AVEN: variants seen among roughly 807,000 people sequenced by gnomAD.
AVEN encodes the protein apoptosis and caspase activation inhibitor, also known as cell death regulator Aven.
Under a neutral mutation model 38.1 loss-of-function variants are expected in AVEN, and 41 were observed. The observed-to-expected ratio is 1.08, with a 90% CI of 0.84 to 1.40. The LOEUF is 1.40. Among genes scored for constraint, AVEN ranks in the 40% most tolerant of loss-of-function variants. The pLI is 0.00. For synonymous variants in AVEN, 206 were observed against 171.8 expected, an observed-to-expected ratio of 1.20 and a Z score of -1.56; for missense variants, 605 against 438.8, an observed-to-expected ratio of 1.38 and a Z score of -3.38.
chr15:33,869,694 G>C (rs1890851649), intron 4 of AVEN, among the ~76,000 whole-genome samples: 1 of 152,154 alleles, frequency 6.6e-6, no homozygotes, highest in Non-Finnish European at 1.5e-5. Context: ...ACTAGTAAAT[G>C]CTATACAGCA....
At chr15:33,956,367 TTCTGA>T (rs1894953796) in intron 2 of AVEN, among the ~76,000 whole-genome samples, 1 of 152,190 alleles carries the variant, frequency 6.6e-6, no homozygotes, top group Admixed American at 6.5e-5. Context: ...TAATCAAACT[TTCTGA>T]TCTGTCAATC....
intron 1 of AVEN, among the ~76,000 whole-genome samples, chr15:34,030,765 C>T (rs1898750483): frequency 6.6e-6 from 1 of 151,884 alleles, no homozygotes; most frequent in African/African-American, 2.4e-5. Context: ...TACAGGCGTG[C>T]ACCACCGTGC....
intron 2 of AVEN, among the ~76,000 whole-genome samples, chr15:33,905,288 T>G (rs12592331): frequency 0.46 from 69,457 of 151,922 alleles, 17,596 homozygotes; most frequent in East Asian, 0.59. Flanking sequence ...TTACTTGCTG[T>G]GAAACCTTGG....
chr15:34,061,786 T>C (rs893075764), intron 5 of AVEN, among the ~76,000 whole-genome samples: 1 of 152,146 alleles, frequency 6.6e-6, no homozygotes, highest in Non-Finnish European at 1.5e-5. Flanking sequence ...ACCCCCTAGA[T>C]GAAAACCAGA....
intron 1 of AVEN, among the ~76,000 whole-genome samples, chr15:34,033,427 A>G (rs1271551324): frequency 6.6e-6 from 1 of 150,810 alleles, no homozygotes; most frequent in Non-Finnish European, 1.5e-5. Context: ...AATTGCTTGA[A>G]CCCAAGAGGC....
intron 1 of AVEN, among the ~76,000 whole-genome samples, chr15:34,033,609 A>G (rs1898967488): frequency 6.6e-6 from 1 of 152,146 alleles, no homozygotes; most frequent in African/African-American, 2.4e-5. Flanking sequence ...GTAGAGTTAT[A>G]TAACATTTTT....
rs1689639118 is a variant in AVEN, at chr15:34,003,087, A to T, written c.390T>A (p.Asn130Lys). Residue 130 changes from asparagine (N) to lysine (K), a missense_variant, in exon 2 of 6, where the codon AAT becomes AAA. By Grantham distance (94) the Asn-to-Lys change is moderately conservative. Transcript: ENST00000306730. ...TTCCCCTCTGTGACTCTCCACTTTC[A>T]TTATTGACCTCTTTTTCAATATCTT... is the stretch of plus-strand genomic sequence containing the variant. Reference protein sequence around the residue: ...RYQDIEKEVNNESGESQRGTD... With the variant: ...RYQDIEKEVNKESGESQRGTD... 1.2e-6 allele frequency: 2 copies of T among 1,613,870 alleles called. No homozygotes were observed.
intron 3 of AVEN, among the ~76,000 whole-genome samples, chr15:33,872,318 A>C (rs1891003144): frequency 6.6e-6 from 1 of 151,920 alleles, no homozygotes; most frequent in African/African-American, 2.4e-5. Context: ...TATCTGTATA[A>C]AGGCACACTC....
intron 2 of AVEN, among the ~76,000 whole-genome samples, chr15:33,897,708 T>A (rs1454347967): frequency 6.6e-6 from 1 of 151,798 alleles, no homozygotes; most frequent in Non-Finnish European, 1.5e-5. Flanking sequence ...GACGACCTTA[T>A]CTCTACTAAA....
upstream of AVEN, among the ~76,000 whole-genome samples, chr15:34,043,579 C>T (rs1899568535): frequency 6.6e-6 from 1 of 152,148 alleles, no homozygotes; most frequent in Non-Finnish European, 1.5e-5. Context: ...GCTATTCTTT[C>T]AGCCTGGAAT....
At chr15:34,060,340 G>A (rs1014238804) in intron 5 of AVEN, among the ~76,000 whole-genome samples, 9 of 152,300 alleles carry the variant, frequency 5.9e-5, no homozygotes, top group African/African-American at 1.7e-4. Context: ...GAAGATGGGA[G>A]AATCTGGTTT....
chr15:34,022,174 T>C (rs1040593035), intron 1 of AVEN, among the ~76,000 whole-genome samples: 2 of 152,232 alleles, frequency 1.3e-5, no homozygotes, highest in African/African-American at 4.8e-5. Flanking sequence ...CTATTGCTCC[T>C]CAGACATCAA....
chr15:33,869,825 CTTT>C (rs377321444), intron 4 of AVEN, among the ~76,000 whole-genome samples: 16 of 142,172 alleles, frequency 1.1e-4, no homozygotes, highest in South Asian at 4.5e-4. Flanking sequence ...CAAGGTTTCA[CTTT>C]TTTTTTTTTT....
At chr15:33,856,647 G>GTT (rs60494844), downstream of AVEN, 8 of 154,124 alleles carry the variant, frequency 5.2e-5, no homozygotes, top group Middle Eastern at 3.2e-3. Flanking sequence ...GAACCTTTGG[G>GTT]TTTTTTGTTT....
intron 2 of AVEN, among the ~76,000 whole-genome samples, chr15:33,984,356 T>C (rs956930852): frequency 6.6e-6 from 1 of 152,056 alleles, no homozygotes; most frequent in Non-Finnish European, 1.5e-5. Flanking sequence ...ATACAAGATA[T>C]TCTGCAAACT....
intron 2 of AVEN, among the ~76,000 whole-genome samples, chr15:33,961,605 A>T (rs1472860319): frequency 2.0e-5 from 3 of 151,736 alleles, no homozygotes; most frequent in Admixed American, 6.6e-5. Context: ...CGAGGTCAGG[A>T]GATCGAGACC....
At chr15:33,860,560 C>A in intron 11 of AVEN, 2 of 1,391,800 alleles carry the variant, frequency 1.4e-6, no homozygotes, top group Non-Finnish European at 2.0e-6. Flanking sequence ...TGAACCACTA[C>A]ACAGATTGCT....
intron 5 of AVEN, among the ~76,000 whole-genome samples, chr15:34,052,086 C>G (rs1309049445): frequency 6.6e-6 from 1 of 152,074 alleles, no homozygotes; most frequent in African/African-American, 2.4e-5. Flanking sequence ...AACACTGATG[C>G]AAAAATCCTC....
chr15:34,029,936 G>C (rs1458593075), intron 1 of AVEN, among the ~76,000 whole-genome samples: 2 of 152,126 alleles, frequency 1.3e-5, no homozygotes, highest in African/African-American at 4.8e-5. Flanking sequence ...TCACTAGAAT[G>C]TGAACTCTAG....
Sources: allele counts gnomAD v4.1 joint callset (sites outside exome capture counted in the v4.1 genomes callset), GRCh38; gene constraint gnomAD v4.1.1; transcripts MANE v1.5; gene names NCBI Gene and HGNC (gene_info 2026-07-23, HGNC 2026-07-21).